The following DIAPH2 variants were observed in gnomAD, a reference collection of about 807,000 sequenced individuals.
DIAPH2 encodes the protein protein diaphanous homolog 2.
A neutral mutation model predicts 92.7 loss-of-function variants in DIAPH2; 35 were observed. The ratio of observed to expected loss-of-function variants is 0.38; its 90% CI spans 0.29 to 0.50. DIAPH2 has a LOEUF of 0.50. Ranked by LOEUF, DIAPH2 falls within the 20% of genes least tolerant of loss-of-function variation. The pLI, the probability that DIAPH2 is intolerant of heterozygous loss-of-function variation, is 0.94. For missense variants in DIAPH2, 701 were observed against 819.5 expected (o/e 0.86, Z 1.77); for synonymous variants, 301 against 280.4 (o/e 1.07, Z -0.73).
intron 1 of DIAPH2, among the ~76,000 whole-genome samples, chrX:96,719,727 C>T (rs761236706): frequency 3.1e-4 from 35 of 111,362 alleles, no homozygotes; most frequent in African/African-American, 5.9e-4. Context: ...CTGATGCTTT[C>T]GGTTTTGTTC....
intron 4 of DIAPH2, among the ~76,000 whole-genome samples, chrX:96,764,264 G>T (rs1602488895): frequency 9.0e-6 from 1 of 111,037 alleles, no homozygotes; most frequent in African/African-American, 3.3e-5. Flanking sequence ...CTTAAATTGG[G>T]CTTTCAGGGA....
chrX:97,555,033 T>C (rs138284517), intron 26 of DIAPH2, among the ~76,000 whole-genome samples: 1,238 of 104,903 alleles, frequency 0.012, 24 homozygotes, highest in African/African-American at 0.041. Flanking sequence ...GACCAAGTGT[T>C]ATGAATTGGC....
intron 12 of DIAPH2, 100 bp from the exon 13 acceptor site, chrX:96,941,918 A>G (rs2065707497): frequency 8.0e-6 from 4 of 500,161 alleles, no homozygotes; most frequent in Non-Finnish European, 1.4e-5. Flanking sequence ...AAACAACTCC[A>G]GAAAAAAGAC....
At chrX:97,273,159 AAAT>A (rs1004055772) in intron 23 of DIAPH2, among the ~76,000 whole-genome samples, 7 of 111,986 alleles carry the variant, frequency 6.3e-5, no homozygotes, top group Non-Finnish European at 1.1e-4. Context: ...CCATCTCAAA[AAAT>A]AATAATAATA....
At chrX:96,774,473 G>A (rs1015568550) in intron 4 of DIAPH2, among the ~76,000 whole-genome samples, 19 of 111,868 alleles carry the variant, frequency 1.7e-4, no homozygotes, top group African/African-American at 5.8e-4. Flanking sequence ...CTCTGTGCAC[G>A]TGTTGCTCAA....
At chrX:97,090,995 T>A (rs2066820791) in intron 19 of DIAPH2, among the ~76,000 whole-genome samples, 1 of 111,350 alleles carries the variant, frequency 9.0e-6, no homozygotes, top group African/African-American at 3.3e-5. Context: ...AAATATATGT[T>A]ATTTAGTTTT....
chrX:97,193,012 C>CTTTTCTTTTTTTTTT (rs1256888466), intron 22 of DIAPH2, among the ~76,000 whole-genome samples: 14 of 86,589 alleles, frequency 1.6e-4, no homozygotes, highest in African/African-American at 7.1e-4. Flanking sequence ...TTTTTCTTTT[C>CTTTTCTTTTTTTTTT]TTTTTTTTTT....
intron 21 of DIAPH2, among the ~76,000 whole-genome samples, chrX:97,129,538 T>C (rs780329454): frequency 9.0e-6 from 1 of 111,549 alleles, no homozygotes; most frequent in Non-Finnish European, 1.9e-5. Context: ...AATATATGAA[T>C]ATATATGAAA....
chrX:96,758,150 A>G lies in DIAPH2; in HGVS notation c.343-4A>G, dbSNP rs768868812. Reference sequence around the variant, plus strand: ...ATGCCCACAGTAAATGTTATCTCTTACAGGAGGACATGAACCTTAACGAAG... The same window carrying G: ...ATGCCCACAGTAAATGTTATCTCTTGCAGGAGGACATGAACCTTAACGAAG... On this transcript the variant is annotated splice_region_variant and splice_polypyrimidine_tract_variant and intron_variant, in intron 3 of 26. Transcript: ENST00000324765. 8.4e-7 allele frequency: 1 copy of G among 1,186,974 alleles called. No homozygotes were observed. Among genetic ancestry groups the G allele is most frequent in the East Asian group, 3.0e-5 (1 of 33,344 alleles).
chrX:97,559,454 C>T (rs1399597831), intron 26 of DIAPH2, among the ~76,000 whole-genome samples: 2 of 105,614 alleles, frequency 1.9e-5, no homozygotes, highest in African/African-American at 3.5e-5. Flanking sequence ...CATGCCACTG[C>T]GCTCCAGCCT....
chrX:97,454,544 T>C (rs2070386224), intron 26 of DIAPH2, among the ~76,000 whole-genome samples: 1 of 111,436 alleles, frequency 9.0e-6, no homozygotes. Flanking sequence ...CTCTGCTGAT[T>C]ATATCATTAG....
chrX:97,164,905 A>C (rs2147444767), intron 22 of DIAPH2, among the ~76,000 whole-genome samples: 1 of 112,655 alleles, frequency 8.9e-6, no homozygotes, highest in South Asian at 3.6e-4. Context: ...AGGCATCATA[A>C]AAACAAAATG....
intron 17 of DIAPH2, among the ~76,000 whole-genome samples, chrX:97,064,537 C>T (rs1039006357): frequency 1.8e-5 from 2 of 110,273 alleles, no homozygotes; most frequent in South Asian, 4.0e-4. Flanking sequence ...TTCCATCTCT[C>T]GTCTCTAGTC....
At chrX:97,475,764 C>A (rs2070598229) in intron 26 of DIAPH2, among the ~76,000 whole-genome samples, 1 of 111,915 alleles carries the variant, frequency 8.9e-6, no homozygotes, top group Non-Finnish European at 1.9e-5. Flanking sequence ...ATATGGCAAC[C>A]TGAAATGCAA....
At chrX:96,774,491 A>G (rs781776361) in intron 4 of DIAPH2, among the ~76,000 whole-genome samples, 4 of 112,056 alleles carry the variant, frequency 3.6e-5, no homozygotes, top group East Asian at 2.8e-4. Flanking sequence ...CAATGGGCCA[A>G]AAATGACTCT....
chrX:96,954,309 C>T (rs1174276061), intron 15 of DIAPH2: 1 of 112,313 alleles, frequency 8.9e-6, no homozygotes, highest in Non-Finnish European at 1.9e-5. Context: ...TTATAATGAA[C>T]AGCTCTACTT....
intron 22 of DIAPH2, among the ~76,000 whole-genome samples, chrX:97,219,646 T>C: frequency 8.9e-6 from 1 of 111,897 alleles, no homozygotes; most frequent in East Asian, 2.8e-4. Flanking sequence ...ATTGAATAAA[T>C]ATGATTAAAT....
chrX:97,117,787 C>T (rs2067026695), intron 21 of DIAPH2, among the ~76,000 whole-genome samples: 1 of 111,991 alleles, frequency 8.9e-6, no homozygotes. Flanking sequence ...ACCTTCACCA[C>T]AAAATGCTTT....
chrX:96,981,031 G>A (rs2065993581), intron 17 of DIAPH2, among the ~76,000 whole-genome samples: 1 of 103,762 alleles, frequency 9.6e-6, no homozygotes, highest in Non-Finnish European at 1.9e-5. Context: ...AAATTGGCCA[G>A]GCATGGTGGC....
Sources: gnomAD v4.1 joint callset for allele counts (sites outside exome capture counted in the v4.1 genomes callset) on GRCh38, gnomAD v4.1.1 for gene constraint, MANE v1.5 for transcripts, NCBI Gene and HGNC (gene_info 2026-07-23, HGNC 2026-07-21) for gene names.